ATP11A: variants seen among roughly 807,000 people sequenced by gnomAD.
The protein encoded by ATP11A is phospholipid-transporting ATPase IH.
Under a neutral mutation model 154.4 loss-of-function variants are expected in ATP11A, and 81 were observed. The observed-to-expected ratio is 0.52, with a 90% CI of 0.44 to 0.63. ATP11A has a LOEUF of 0.63. ATP11A is among the 30% of genes least tolerant of loss of function. The probability of loss-of-function intolerance (pLI) is 0.00; values close to 1 mark genes in which losing one functional copy is unlikely to be tolerated. For synonymous variants in ATP11A, 623 were observed against 585.9 expected, an observed-to-expected ratio of 1.06 and a Z score of -0.91; for missense variants, 1,316 against 1,474.3, an observed-to-expected ratio of 0.89 and a Z score of 1.76.
intron 12 of ATP11A, among the ~76,000 whole-genome samples, chr13:112,827,621 G>C (rs2078966775): frequency 6.6e-6 from 1 of 152,256 alleles, no homozygotes; most frequent in Non-Finnish European, 1.5e-5. Context: ...GTTGCAGAGT[G>C]CAGGGTTGCC....
chr13:112,765,149 C>G lies in ATP11A; in HGVS notation c.40-19986C>G, dbSNP rs867135872. ...CGTTGACAGTGGCTGGCTTGCCCCC[C>G]CTCCCCCCCGCCCCGGCTCTGGAAG... On this transcript the variant is annotated intron_variant, in intron 1 of 29. Transcript: ENST00000375645. 3.7e-3 allele frequency among the ~76,000 whole-genome samples: 96 copies of G among 25,996 alleles called. 1 individual carries two copies. In the African/African-American group the frequency reaches 0.037, roughly 10 times the overall value. The allele number at this position is 25,996 out of a possible 152,430, so 17.1% of individuals were successfully genotyped here.
intron 1 of ATP11A, among the ~76,000 whole-genome samples, chr13:112,738,052 C>T (rs571482682): frequency 6.6e-6 from 1 of 152,242 alleles, no homozygotes; most frequent in Admixed American, 6.5e-5. Context: ...GCCGGCTTCC[C>T]AAAGCTCTTT....
At chr13:112,702,431 C>T (rs574680938) in intron 1 of ATP11A, among the ~76,000 whole-genome samples, 1 of 152,172 alleles carries the variant, frequency 6.6e-6, no homozygotes, top group East Asian at 1.9e-4. Context: ...CCGCGTGTTC[C>T]AGTGGGAAGC....
chr13:112,726,311 A>G (rs907319748), intron 1 of ATP11A, among the ~76,000 whole-genome samples: 18 of 147,228 alleles, frequency 1.2e-4, no homozygotes, highest in Non-Finnish European at 2.2e-4. Context: ...CTGGGGGCAC[A>G]GCGTGCATGC....
At chr13:112,844,802 G>C (rs752994166) in intron 17 of ATP11A, among the ~76,000 whole-genome samples, 1 of 131,438 alleles carries the variant, frequency 7.6e-6, no homozygotes, top group African/African-American at 3.6e-5. Flanking sequence ...GGGTGTTAGT[G>C]GTACTAACCA....
chr13:112,783,450 C>T (rs1428665392), intron 1 of ATP11A, among the ~76,000 whole-genome samples: 3 of 152,236 alleles, frequency 2.0e-5, no homozygotes, highest in African/African-American at 7.2e-5. Flanking sequence ...TGAGAAAGTG[C>T]TGGTGTCCCC....
chr13:112,767,702 G>A (rs769017864), intron 1 of ATP11A, among the ~76,000 whole-genome samples: 1 of 152,114 alleles, frequency 6.6e-6, no homozygotes, highest in Non-Finnish European at 1.5e-5. Flanking sequence ...ATAAAAAGTT[G>A]CTACCTTTAC....
At chr13:112,847,419 G>A (rs1251272398) in intron 17 of ATP11A, among the ~76,000 whole-genome samples, 1 of 152,174 alleles carries the variant, frequency 6.6e-6, no homozygotes, top group African/African-American at 2.4e-5. Context: ...TGTAATCCAT[G>A]TTTGGCTAAT....
At chr13:112,852,793 G>GA (rs1270938209) in intron 18 of ATP11A, among the ~76,000 whole-genome samples, 1 of 143,258 alleles carries the variant, frequency 7.0e-6, no homozygotes, top group Non-Finnish European at 1.5e-5. Context: ...GGCGGGGGGG[G>GA]ATCTCAGTGG....
chr13:112,773,222 C>A (rs2077267540), intron 1 of ATP11A, among the ~76,000 whole-genome samples: 1 of 152,108 alleles, frequency 6.6e-6, no homozygotes, highest in Admixed American at 6.5e-5. Flanking sequence ...CCTGCCCTGC[C>A]CTGCCCCACC....
At chr13:112,692,469 C>A (rs1885308579) in intron 1 of ATP11A, among the ~76,000 whole-genome samples, 1 of 152,174 alleles carries the variant, frequency 6.6e-6, no homozygotes, top group African/African-American at 2.4e-5. Flanking sequence ...TTTCTCCAGG[C>A]CTTCAGCTGT....
At chr13:112,794,545 C>T (rs915021701) in intron 2 of ATP11A, among the ~76,000 whole-genome samples, 1 of 152,132 alleles carries the variant, frequency 6.6e-6, no homozygotes, top group Non-Finnish European at 1.5e-5. Flanking sequence ...CATCATGGGG[C>T]TTGGCTGCAG....
At chr13:112,790,398 G>A (rs58631404) in intron 2 of ATP11A, among the ~76,000 whole-genome samples, 2,414 of 149,598 alleles carry the variant, frequency 0.016, 74 homozygotes, top group African/African-American at 0.054. Context: ...AATTCACACC[G>A]GGTGTCCTGA....
chr13:112,817,028 A>G (rs2078664417), intron 6 of ATP11A, among the ~76,000 whole-genome samples: 1 of 152,244 alleles, frequency 6.6e-6, no homozygotes, highest in Non-Finnish European at 1.5e-5. Context: ...CTACATAAGT[A>G]ATTTCCTGCA....
chr13:112,723,353 C>T (rs1188655546), intron 1 of ATP11A, among the ~76,000 whole-genome samples: 1 of 117,286 alleles, frequency 8.5e-6, no homozygotes, highest in Non-Finnish European at 1.7e-5. Flanking sequence ...CTCACTGCAC[C>T]CTCCGCCTGC....
chr13:112,827,781 A>G (rs1163855669), intron 12 of ATP11A, among the ~76,000 whole-genome samples: 1 of 152,400 alleles, frequency 6.6e-6, no homozygotes, highest in African/African-American at 2.4e-5. Context: ...AGACTCTGGC[A>G]GATACAGAGG....
chr13:112,720,094 A>G (rs944248274), intron 1 of ATP11A, among the ~76,000 whole-genome samples: 1 of 152,232 alleles, frequency 6.6e-6, no homozygotes, highest in African/African-American at 2.4e-5. Context: ...TCTGTAAACT[A>G]TTTTAAAGAG....
intron 1 of ATP11A, among the ~76,000 whole-genome samples, chr13:112,767,500 G>A (rs9603945): frequency 0.29 from 34,511 of 119,322 alleles, 6,182 homozygotes; most frequent in Middle Eastern, 0.35. Context: ...GAAAGGTGGG[G>A]AGGATGTAGG....
At chr13:112,714,085 C>G (rs111736304) in intron 1 of ATP11A, among the ~76,000 whole-genome samples, 238 of 34,812 alleles carry the variant, frequency 6.8e-3, no homozygotes, top group East Asian at 0.015. Context: ...TCCCCCGACC[C>G]CTGGTCCCAG....
Sources: allele counts gnomAD v4.1 joint callset (sites outside exome capture counted in the v4.1 genomes callset), GRCh38; gene constraint gnomAD v4.1.1; transcripts MANE v1.5; gene names NCBI Gene and HGNC (gene_info 2026-07-23, HGNC 2026-07-21).